The following NPHP4 variants were observed in gnomAD, a reference collection of about 807,000 sequenced individuals.
NPHP4 encodes the protein nephrocystin 4.
A neutral mutation model predicts 155.8 loss-of-function variants in NPHP4; 151 were observed. That is an observed-to-expected ratio of 0.97 (90% confidence interval 0.85 to 1.11). NPHP4 has a LOEUF of 1.11. Ranked by LOEUF, NPHP4 falls within the 50% of genes least tolerant of loss-of-function variation. The pLI, the probability that NPHP4 is intolerant of heterozygous loss-of-function variation, is 0.00. For missense variants in NPHP4, 1,956 were observed against 1,925.7 expected (o/e 1.02, Z -0.29); for synonymous variants, 845 against 816.8 (o/e 1.03, Z -0.59).
intron 1 of NPHP4, among the ~76,000 whole-genome samples, chr1:5,989,062 G>A (rs938972507): frequency 1.3e-5 from 2 of 152,098 alleles, no homozygotes; most frequent in South Asian, 2.1e-4. Flanking sequence ...GCTGCTCCCC[G>A]ATTCCAGCCA....
intron 9 of NPHP4, 108 bp from the exon 10 acceptor site, chr1:5,933,437 G>C (rs1646382176): frequency 5.8e-6 from 5 of 864,438 alleles, no homozygotes; most frequent in Non-Finnish European, 9.4e-6. Context: ...GCTCAGTGTA[G>C]CAAGGGGCAG....
chr1:5,869,547 A>G (rs1641789634), intron 23 of NPHP4, among the ~76,000 whole-genome samples: 1 of 152,268 alleles, frequency 6.6e-6, no homozygotes, highest in African/African-American at 2.4e-5. Flanking sequence ...AAATAAACAA[A>G]TCTAAGCTTC....
At chr1:5,973,941 T>C (rs4068401) in intron 3 of NPHP4, among the ~76,000 whole-genome samples, 99,948 of 151,506 alleles carry the variant, frequency 0.66, 32,878 homozygotes, top group East Asian at 0.76. Flanking sequence ...TTTGTTGTGA[T>C]GATGTTCAGG....
chr1:5,937,193 C>T (rs1451796472), intron 9 of NPHP4, among the ~76,000 whole-genome samples: 2 of 152,150 alleles, frequency 1.3e-5, no homozygotes, highest in Non-Finnish European at 2.9e-5. Flanking sequence ...TCGGCTCTGT[C>T]ACACCAGGGG....
At chr1:5,893,821 G>C (rs537245673) in intron 16 of NPHP4, among the ~76,000 whole-genome samples, 1 of 152,150 alleles carries the variant, frequency 6.6e-6, no homozygotes, top group African/African-American at 2.4e-5. Flanking sequence ...GCCTGGCAAC[G>C]GGCGTCTTCC....
At chr1:5,975,883 T>G (rs1299135347) in intron 3 of NPHP4, among the ~76,000 whole-genome samples, 1 of 152,096 alleles carries the variant, frequency 6.6e-6, no homozygotes, top group African/African-American at 2.4e-5. Flanking sequence ...TCTACAGGGA[T>G]CAGGATTCTA....
At position 5,986,262 on chromosome 1, in the gene NPHP4, G is replaced by A. The variant is rs1195293383; in HGVS notation, c.28C>T (p.Gln10Ter). The A allele has an allele frequency of 1.9e-6, 3 of 1,613,848 alleles. No individual in the cohort carries two copies. The highest frequency in any genetic ancestry group is 2.5e-6 in the Non-Finnish European group (3 of 1,179,838). MNDWHRIFT[Q>*]NVLVPPHPQR... The stretch of plus-strand genomic sequence containing the variant: ...GGGTGGGGAGGGACAAGCACGTTTT[G>A]GGTGAAGATCCTGTGCCAGTCGTTC... The change falls in exon 2 of 30, where the codon CAA becomes TAA. Residue 10 changes from glutamine to a stop codon, truncating the protein, a stop_gained. Coordinates refer to ENST00000378156, the MANE Select transcript of NPHP4 (RefSeq NM_015102.5). LOFTEE classifies it high-confidence loss of function.
rs1200058169 is a variant in NPHP4 at position 5,867,996 on chromosome 1, C to T, written c.3316-100G>A. ...ACACGTATCTCCACTGTTGCCAAGA[C>T]CCCCTCACCCTCCACTGCCATGAGC... On this transcript the variant is annotated intron_variant, in intron 23 of 29. Transcript: ENST00000378156. This position sits in a 1 kb window ranked among gnomAD's most constrained non-coding sequence, Gnocchi z 4.1. 1 of 1,283,032 alleles carries T rather than the reference C, an allele frequency of 7.8e-7. No individual in the cohort carries two copies. Among genetic ancestry groups the T allele is most frequent in the African/African-American group, 1.5e-5 (1 of 68,582 alleles). The allele number at this position is 1,283,032 out of a possible 1,614,324, so 79.5% of individuals were successfully genotyped here.
At chr1:5,963,483 A>G (rs1650744455) in intron 5 of NPHP4, among the ~76,000 whole-genome samples, 1 of 152,126 alleles carries the variant, frequency 6.6e-6, no homozygotes. Flanking sequence ...AAAATTTAAA[A>G]TACTGCTAAA....
intron 13 of NPHP4, among the ~76,000 whole-genome samples, chr1:5,906,875 G>T (rs1644936204): frequency 6.6e-6 from 1 of 152,210 alleles, no homozygotes. Context: ...AGCACAATCT[G>T]AGTCAAGCGC....
intron 23 of NPHP4, among the ~76,000 whole-genome samples, chr1:5,869,644 C>T (rs981773051): frequency 1.3e-4 from 20 of 152,188 alleles, no homozygotes; most frequent in Admixed American, 1.2e-3. Flanking sequence ...GACAAATGCA[C>T]CTTCAGAAAT....
chr1:5,897,022 C>T (rs988853614), intron 16 of NPHP4, among the ~76,000 whole-genome samples: 4 of 152,186 alleles, frequency 2.6e-5, no homozygotes, highest in Admixed American at 6.5e-5. Flanking sequence ...ACTATTCCAC[C>T]GACTTCTCAC....
At chr1:5,963,602 G>A (rs1479142388) in intron 5 of NPHP4, among the ~76,000 whole-genome samples, 1 of 152,030 alleles carries the variant, frequency 6.6e-6, no homozygotes, top group African/African-American at 2.4e-5. Context: ...CCAGCCACCA[G>A]CTTCAGGATT....
At chr1:5,969,037 A>G in intron 4 of NPHP4, 50 bp downstream of exon 4, 1 of 1,321,358 alleles carries the variant, frequency 7.6e-7, no homozygotes, top group South Asian at 1.4e-5. Flanking sequence ...AAAAAAAAAA[A>G]AAAAGACAGA....
At chr1:5,954,755 C>T (rs771062575) in intron 6 of NPHP4, among the ~76,000 whole-genome samples, 10 of 152,180 alleles carry the variant, frequency 6.6e-5, no homozygotes, top group South Asian at 4.1e-4. Context: ...TAGAAGAAAA[C>T]GGAAGAAGTG....
In NPHP4 at chr1:5,866,583, T is replaced by C. The variant is rs987719958; in HGVS notation, c.3559-125A>G. ...GTCCCTCCCAGAACGCATCTGTTCATGTTCTATACCAATCGGAATTCACTA... is the reference window on the plus strand; with the variant it reads ...GTCCCTCCCAGAACGCATCTGTTCACGTTCTATACCAATCGGAATTCACTA... On this transcript the variant is annotated intron_variant, in intron 25 of 29. Transcript: ENST00000378156. 7 of 653,224 alleles carry C rather than the reference T, an allele frequency of 1.1e-5. No homozygotes were observed. The African/African-American group carries it at 1.1e-4, about 10-fold the overall frequency. The allele number at this position is 653,224 out of a possible 1,614,324, so 40.5% of individuals were successfully genotyped here.
At chr1:5,897,683 G>C (rs1310539222) in intron 16 of NPHP4, among the ~76,000 whole-genome samples, 1 of 152,134 alleles carries the variant, frequency 6.6e-6, no homozygotes, top group Non-Finnish European at 1.5e-5. Context: ...CGAGATTAAA[G>C]TGATAATTAC....
chr1:5,888,934 G>A (rs1244826014), intron 17 of NPHP4, among the ~76,000 whole-genome samples: 5 of 152,180 alleles, frequency 3.3e-5, no homozygotes, highest in South Asian at 2.1e-4. Context: ...CACAAGCCCC[G>A]GAGACAGAAT....
intron 2 of NPHP4, among the ~76,000 whole-genome samples, chr1:5,981,422 C>T (rs2312048): frequency 0.16 from 24,624 of 152,028 alleles, 2,126 homozygotes; most frequent in African/African-American, 0.18. Context: ...TCAAGCTGAA[C>T]TGAAATACTC....
Sources: gnomAD v4.1 joint callset for allele counts (sites outside exome capture counted in the v4.1 genomes callset) on GRCh38, gnomAD v4.1.1 for gene constraint, Gnocchi (gnomAD v3.1) non-coding constraint, MANE v1.5 for transcripts, NCBI Gene and HGNC (gene_info 2026-07-23, HGNC 2026-07-21) for gene names.